PDE1A: variants seen among roughly 807,000 people sequenced by gnomAD.
PDE1A encodes phosphodiesterase 1A, also known as dual specificity calcium/calmodulin-dependent 3',5'-cyclic nucleotide phosphodiesterase 1A.
PDE1A carries 35 observed loss-of-function variants against 61.7 expected under a neutral mutation model. That is an observed-to-expected ratio of 0.57 (90% CI 0.43 to 0.75). The LOEUF is 0.75. Among genes scored for constraint, PDE1A ranks in the 30% least tolerant of loss-of-function variants. The pLI, the probability that PDE1A is intolerant of heterozygous loss-of-function variation, is 0.00. For missense variants in PDE1A, 597 were observed against 630.6 expected (o/e 0.95, Z 0.57); for synonymous variants, 232 against 213.2 (o/e 1.09, Z -0.77).
At chr2:182,204,447 C>T (rs1686929174) in intron 8 of PDE1A, among the ~76,000 whole-genome samples, 1 of 152,108 alleles carries the variant, frequency 6.6e-6, no homozygotes, top group Non-Finnish European at 1.5e-5. Context: ...ATATTTTTTC[C>T]CCTCTGTCAC....
intron 6 of PDE1A, among the ~76,000 whole-genome samples, chr2:182,225,357 G>A (rs1689060161): frequency 6.6e-6 from 1 of 151,864 alleles, no homozygotes; most frequent in African/African-American, 2.4e-5. Flanking sequence ...GTAAAAGAAA[G>A]CCATTGTAGG....
At chr2:182,671,722 C>A in the PDE1A span, among the ~76,000 whole-genome samples, 1 of 150,460 alleles carries the variant, frequency 6.6e-6, no homozygotes, top group Non-Finnish European at 1.5e-5. Flanking sequence ...CAGGTTCACA[C>A]CACTTTCCTA....
At chr2:182,651,211 T>C in the PDE1A span, among the ~76,000 whole-genome samples, 1 of 152,196 alleles carries the variant, frequency 6.6e-6, no homozygotes, top group Non-Finnish European at 1.5e-5. Flanking sequence ...TTCACCATGT[T>C]GGCCAGCCTG....
chr2:182,579,223 A>C, the PDE1A span, among the ~76,000 whole-genome samples: 1 of 152,210 alleles, frequency 6.6e-6, no homozygotes, highest in African/African-American at 2.4e-5. Context: ...TCTGCTGCTG[A>C]ATGGGGCTGA....
At chr2:182,336,960 CTTTTT>C (rs71008221) in intron 1 of PDE1A, among the ~76,000 whole-genome samples, 270 of 146,174 alleles carry the variant, frequency 1.8e-3, no homozygotes, top group South Asian at 5.3e-3. Flanking sequence ...ACATGTATCC[CTTTTT>C]TTTTTTTTTT....
intron 2 of PDE1A, among the ~76,000 whole-genome samples, chr2:182,442,432 T>A (rs62188283): frequency 0.18 from 26,967 of 151,954 alleles, 2,816 homozygotes; most frequent in Middle Eastern, 0.36. Flanking sequence ...TATAAAAGAC[T>A]ATTGGGACAA....
chr2:182,383,024 C>A (rs1700820555), intron 1 of PDE1A, among the ~76,000 whole-genome samples: 1 of 151,980 alleles, frequency 6.6e-6, no homozygotes, highest in African/African-American at 2.4e-5. Flanking sequence ...CGTTAAAACC[C>A]CAATTAAATA....
chr2:182,326,240 A>C (rs1377258139), intron 1 of PDE1A, among the ~76,000 whole-genome samples: 1 of 152,214 alleles, frequency 6.6e-6, no homozygotes. Context: ...AATTGAATGC[A>C]GGGACTAAAA....
chr2:182,606,969 A>G, the PDE1A span, among the ~76,000 whole-genome samples: 2 of 152,196 alleles, frequency 1.3e-5, no homozygotes, highest in African/African-American at 2.4e-5. Context: ...CGCTGAGGAG[A>G]TGGGAGACCA....
intron 7 of PDE1A, among the ~76,000 whole-genome samples, chr2:182,209,397 TTA>T (rs1228920544): frequency 7.9e-5 from 12 of 151,952 alleles, no homozygotes; most frequent in Non-Finnish European, 1.5e-4. Context: ...CACATGGGAA[TTA>T]TGGGATTACA....
At chr2:182,230,741 C>T (rs959446436) in intron 5 of PDE1A, among the ~76,000 whole-genome samples, 1 of 152,088 alleles carries the variant, frequency 6.6e-6, no homozygotes, top group Non-Finnish European at 1.5e-5. Context: ...AGCTGCCAAA[C>T]CCTATGTGAG....
At chr2:182,195,133 T>G (rs1019413465) in intron 10 of PDE1A, among the ~76,000 whole-genome samples, 3 of 152,136 alleles carry the variant, frequency 2.0e-5, no homozygotes, top group Non-Finnish European at 4.4e-5. Flanking sequence ...GGAAATGTGC[T>G]TTTAAATTGT....
intron 1 of PDE1A, among the ~76,000 whole-genome samples, chr2:182,352,350 C>A (rs1361149115): frequency 1.3e-5 from 2 of 152,198 alleles, no homozygotes; most frequent in African/African-American, 4.8e-5. Flanking sequence ...GATACTCATG[C>A]TGCTTGCAGT....
chr2:182,201,661 A>AC (rs1553535443), intron 9 of PDE1A, 27 bp downstream of exon 9: 106 of 1,555,410 alleles, frequency 6.8e-5, no homozygotes, highest in African/African-American at 5.0e-4. Context: ...AAAAAAAAAA[A>AC]AACAACAAAA....
chr2:182,436,515 A>C (rs1289304909), intron 2 of PDE1A, among the ~76,000 whole-genome samples: 1 of 151,954 alleles, frequency 6.6e-6, no homozygotes, highest in Non-Finnish European at 1.5e-5. Flanking sequence ...AATCAAGTCT[A>C]TCTTAGAAAT....
At chr2:182,553,925 C>A in the PDE1A span, among the ~76,000 whole-genome samples, 1 of 152,126 alleles carries the variant, frequency 6.6e-6, no homozygotes, top group Admixed American at 6.5e-5. Flanking sequence ...TATCAGGAGA[C>A]TTTAGACAGT....
intron 2 of PDE1A, among the ~76,000 whole-genome samples, chr2:182,475,605 T>G (rs1687304463): frequency 6.6e-6 from 1 of 151,972 alleles, no homozygotes; most frequent in Admixed American, 6.6e-5. Flanking sequence ...TGACTGAAAT[T>G]ATCTCTTAGG....
the PDE1A span, among the ~76,000 whole-genome samples, chr2:182,663,913 TAA>T: frequency 1.1e-4 from 17 of 151,988 alleles, no homozygotes; most frequent in Non-Finnish European, 1.5e-5. Context: ...TTTTGAACAT[TAA>T]GAGTCCCCAT....
At chr2:182,466,564 G>A (rs1686682841) in intron 2 of PDE1A, among the ~76,000 whole-genome samples, 1 of 152,000 alleles carries the variant, frequency 6.6e-6, no homozygotes, top group Admixed American at 6.6e-5. Flanking sequence ...CTCACCTGGA[G>A]AGGTGAGGAT....
Sources: allele counts gnomAD v4.1 joint callset (sites outside exome capture counted in the v4.1 genomes callset), GRCh38; gene constraint gnomAD v4.1.1; transcripts MANE v1.5; gene names NCBI Gene and HGNC (gene_info 2026-07-23, HGNC 2026-07-21).